CEP85: variants seen among roughly 807,000 people sequenced by gnomAD.
The protein encoded by CEP85 is centrosomal protein of 85 kDa.
In CEP85, 58 loss-of-function variants were observed where a neutral mutation model predicts 93.7. The observed-to-expected ratio is 0.62, with a 90% CI of 0.50 to 0.77. The LOEUF (loss-of-function observed/expected upper bound fraction) is 0.77, where lower values mean the gene tolerates loss of function less well. CEP85 is among the 30% of genes least tolerant of loss of function. The pLI is 0.00. For synonymous variants in CEP85, 314 were observed against 338.6 expected, an observed-to-expected ratio of 0.93 and a Z score of 0.80; for missense variants, 868 against 922.0, an observed-to-expected ratio of 0.94 and a Z score of 0.76.
intron 9 of CEP85, among the ~76,000 whole-genome samples, chr1:26,270,716 A>G (rs1267525502): frequency 6.6e-6 from 1 of 152,244 alleles, no homozygotes; most frequent in Admixed American, 6.5e-5. Flanking sequence ...ATGACTTACA[A>G]TCTAAATACA....
Position 26,276,607 on chromosome 1 carries a change from G to C in CEP85, c.1975G>C (p.Gly659Arg). The C allele has an allele frequency of 6.2e-7, 1 of 1,614,234 alleles. No homozygotes were observed. The highest frequency in any genetic ancestry group is 1.1e-5 in the South Asian group (1 of 91,088). Reference sequence around the variant, plus strand: ...GGAACACCTGCGCCAGGCCCAACCAGGGTCTCCACCTTCACCAGACACGGC... The same window carrying C: ...GGAACACCTGCGCCAGGCCCAACCACGGTCTCCACCTTCACCAGACACGGC... ...LQEHLRQAQP[G>R]SPPSPDTAQL... Residue 659 changes from glycine (G) to arginine (R), a missense_variant, in exon 13 of 14, where the codon GGG (glycine) becomes CGG (arginine). Gly to Arg is a moderately radical substitution (Grantham distance 125). Transcript: ENST00000451429.
chr1:26,252,704 A>T lies in CEP85; in HGVS notation c.209-2467A>T, dbSNP rs376099803. ...TCCTGAGAGACTAATGCATGTTATC[A>T]GAACTTATTCAGGTTTTTGTTTTGT... is the stretch of plus-strand genomic sequence containing the variant. On this transcript the variant is annotated intron_variant, in intron 3 of 13. Coordinates refer to ENST00000451429, the MANE Select transcript of CEP85 (RefSeq NM_001319944.2). 1.1e-3 allele frequency among the ~76,000 whole-genome samples: 171 copies of T among 152,310 alleles called. 1 individual carries two copies. Among genetic ancestry groups the T allele is most frequent in the African/African-American group, 4.0e-3 (166 of 41,562 alleles).
At chr1:26,258,651 C>T (rs2089758524) in intron 6 of CEP85, among the ~76,000 whole-genome samples, 1 of 151,778 alleles carries the variant, frequency 6.6e-6, no homozygotes, top group Non-Finnish European at 1.5e-5. Flanking sequence ...GGCTGGAGTG[C>T]AGTGGCACAA....
In CEP85 at chr1:26,275,064, TGAA is replaced by T; in HGVS notation, c.1897_1899del (p.Lys633del). On this transcript the variant is annotated inframe_deletion, in exon 12 of 14. Transcript: ENST00000451429. ...GCCCTGCAGCAGCTGCGCACAGCCG[TGAA>T]GGAGGTGAGCAACATTAGTCAGACC... 6.4e-7 allele frequency: 1 copy of T among 1,569,418 alleles called. No homozygotes were observed. Among genetic ancestry groups the T allele is most frequent in the Non-Finnish European group, 8.6e-7 (1 of 1,157,074 alleles).
Position 26,244,171 on chromosome 1 carries a change from G to A in CEP85, c.61G>A (p.Asp21Asn), listed in dbSNP as rs200955763. The A allele has an allele frequency of 8.1e-6, 13 of 1,613,180 alleles. No individual in the cohort carries two copies. The highest frequency in any genetic ancestry group is 6.6e-5 in the South Asian group (6 of 90,944). Residue 21 changes from aspartate (D) to asparagine (N), a missense_variant, in exon 3 of 14, where the codon GAT becomes AAT. Physicochemically the swap from Asp to Asn is conservative, Grantham distance 23. Transcript: ENST00000451429. ...GGAAATGCCTCTTGTTTCAGGTTCC[G>A]ATGTGATTCAGAAGGGCAGTTCCCT... is the stretch of plus-strand genomic sequence containing the variant. ...GISHVTSPSS[D>N]VIQKGSSLGT... is the part of the protein sequence containing the mutation.
At position 26,272,069 on chromosome 1, in the gene CEP85, C is replaced by T; in HGVS notation, c.1792C>T (p.Gln598Ter). Residue 598 changes from glutamine to a stop codon, truncating the protein, a stop_gained and splice_region_variant, in exon 11 of 14, where the codon CAG becomes TAG. Coordinates refer to ENST00000451429, the MANE Select transcript of CEP85 (RefSeq NM_001319944.2). LOFTEE classifies it high-confidence loss of function. ...QKMDQLRSQV[Q>*]SLEQEVAQEE... ...GATGGATCAGTTGCGCTCACAAGTA[C>T]AGGTGAGCAGGAATCCTTGGGACAT... 5 of 1,613,728 alleles carry T rather than the reference C, an allele frequency of 3.1e-6. No homozygotes were observed. The highest frequency in any genetic ancestry group is 4.2e-6 in the Non-Finnish European group (5 of 1,179,716).
chr1:26,254,094 G>T lies in CEP85; in HGVS notation c.209-1077G>T, dbSNP rs543311283. Among the ~76,000 whole-genome samples the T allele has an allele frequency of 4.6e-5, 7 of 152,256 alleles. No homozygotes were observed. The East Asian group carries it at 1.4e-3, about 29-fold the overall frequency. On this transcript the variant is annotated intron_variant, in intron 3 of 13. Transcript: ENST00000451429. ...TGTTGTTGTTATCTGAGTGTTCTCTGTGTTGGTTGCTGGGGAGAAAAAGAA... is the reference window on the plus strand; with the variant it reads ...TGTTGTTGTTATCTGAGTGTTCTCTTTGTTGGTTGCTGGGGAGAAAAAGAA...
At chr1:26,235,097 G>C (rs1023257975) in intron 1 of CEP85, among the ~76,000 whole-genome samples, 6 of 152,192 alleles carry the variant, frequency 3.9e-5, no homozygotes, top group African/African-American at 1.4e-4. Flanking sequence ...AGTGTGTTCA[G>C]GTTTATTTGT....
At chr1:26,249,061 C>T (rs2089560529) in intron 3 of CEP85, among the ~76,000 whole-genome samples, 1 of 151,774 alleles carries the variant, frequency 6.6e-6, no homozygotes. Context: ...TTGTTACATA[C>T]CATGATCCTA....
chr1:26,274,119 A>C (rs1213050433), intron 11 of CEP85, among the ~76,000 whole-genome samples: 1 of 152,038 alleles, frequency 6.6e-6, no homozygotes, highest in Non-Finnish European at 1.5e-5. Context: ...GAATGAAGAG[A>C]ATGAGAGGCA....
intron 8 of CEP85, 55 bp from the exon 9 acceptor site, chr1:26,269,405 T>C (rs986448016): frequency 1.3e-6 from 2 of 1,563,562 alleles, no homozygotes; most frequent in Non-Finnish European, 1.8e-6. Context: ...GAACAAGCAT[T>C]TTGCATTTAT....
chr1:26,250,798 C>T (rs955147298), intron 3 of CEP85, among the ~76,000 whole-genome samples: 1 of 151,990 alleles, frequency 6.6e-6, no homozygotes, highest in African/African-American at 2.4e-5. Flanking sequence ...TTTATTTTGC[C>T]CAGGGTTCTG....
chr1:26,275,262 C>T (rs2090037144), intron 12 of CEP85, among the ~76,000 whole-genome samples, 191 bp downstream of exon 12: 1 of 151,514 alleles, frequency 6.6e-6, no homozygotes, highest in Non-Finnish European at 1.5e-5. Context: ...TTTAGCATGT[C>T]CATAATTATT....
chr1:26,235,800 G>T (rs1164685029), intron 1 of CEP85, among the ~76,000 whole-genome samples: 1 of 152,130 alleles, frequency 6.6e-6, no homozygotes, highest in Non-Finnish European at 1.5e-5. Context: ...TCAAACTCCC[G>T]ACCTCAGGTG....
At chr1:26,262,166 G>A (rs1305283526) in intron 7 of CEP85, among the ~76,000 whole-genome samples, 1 of 152,120 alleles carries the variant, frequency 6.6e-6, no homozygotes, top group Non-Finnish European at 1.5e-5. Flanking sequence ...AATTAGCTGG[G>A]GGTGGTGGCG....
intron 3 of CEP85, chr1:26,254,650 G>C (rs1396621428): frequency 6.2e-6 from 1 of 162,368 alleles, no homozygotes; most frequent in Non-Finnish European, 1.4e-5. Flanking sequence ...TGCATACTGA[G>C]CAAGACTGTC....
At chr1:26,265,009 G>T (rs1332621593) in intron 7 of CEP85, among the ~76,000 whole-genome samples, 55 of 99,524 alleles carry the variant, frequency 5.5e-4, no homozygotes, top group Non-Finnish European at 8.5e-4. Context: ...TTTTTAGATA[G>T]AGTCTCGCTT....
intron 1 of CEP85, among the ~76,000 whole-genome samples, chr1:26,234,565 C>T (rs2089294323): frequency 6.6e-6 from 1 of 152,286 alleles, no homozygotes; most frequent in African/African-American, 2.4e-5. Flanking sequence ...GTGCCAGGCC[C>T]TGTGCCGATA....
Position 26,263,940 on chromosome 1 carries a change from C to T in CEP85, c.1341+4138C>T, listed in dbSNP as rs566838499. On this transcript the variant is annotated intron_variant, in intron 7 of 13. Coordinates refer to ENST00000451429, the MANE Select transcript of CEP85 (RefSeq NM_001319944.2). ...TTTCTTCAGGACCAGCTGTGGGACT[C>T]GAGTATGAGCAGATTTGGATATACA... 7.6e-4 allele frequency among the ~76,000 whole-genome samples: 116 copies of T among 152,252 alleles called. 1 individual carries two copies. The highest frequency in any genetic ancestry group is 1.4e-3 in the Non-Finnish European group (93 of 68,020).
Sources: gnomAD v4.1 joint callset for allele counts (sites outside exome capture counted in the v4.1 genomes callset) on GRCh38, gnomAD v4.1.1 for gene constraint, MANE v1.5 for transcripts, NCBI Gene and HGNC (gene_info 2026-07-23, HGNC 2026-07-21) for gene names.